The following AGBL1 variants were observed in gnomAD, a reference collection of about 807,000 sequenced individuals.
AGBL1 encodes AGBL carboxypeptidase 1, also known as cytosolic carboxypeptidase 4.
A neutral mutation model predicts 118.9 loss-of-function variants in AGBL1; 130 were observed. The observed-to-expected ratio is 1.09, with a 90% CI of 0.95 to 1.26. AGBL1 has a LOEUF of 1.26. Ranked by LOEUF, AGBL1 falls within the 50% of genes most tolerant of loss-of-function variation. The pLI is 0.00. For missense variants in AGBL1, 1,584 were observed against 1,298.1 expected, an observed-to-expected ratio of 1.22 and a Z score of -3.38; for synonymous variants, 555 against 478.9, an observed-to-expected ratio of 1.16 and a Z score of -2.08.
intron 22 of AGBL1, among the ~76,000 whole-genome samples, chr15:86,695,730 A>G (rs920945573): frequency 6.6e-6 from 1 of 151,972 alleles, no homozygotes; most frequent in African/African-American, 2.4e-5. Flanking sequence ...GTAGGCATTT[A>G]AGATTATGAA....
At chr15:86,143,910 A>T (rs1375922993) in intron 3 of AGBL1, 65 bp downstream of exon 3, 7 of 1,559,200 alleles carry the variant, frequency 4.5e-6, no homozygotes, top group Middle Eastern at 3.5e-4. Context: ...TCATGAGTGC[A>T]ATTTGGGAAG....
chr15:86,967,082 A>T (rs1030175034), intron 23 of AGBL1, among the ~76,000 whole-genome samples: 2 of 152,130 alleles, frequency 1.3e-5, no homozygotes, highest in Admixed American at 1.3e-4. Context: ...GCCAGTGATG[A>T]TGAACATTTT....
intron 21 of AGBL1, among the ~76,000 whole-genome samples, chr15:86,663,061 C>T (rs764377837): frequency 6.6e-6 from 1 of 152,182 alleles, no homozygotes; most frequent in Non-Finnish European, 1.5e-5. Context: ...CTGATTTTCA[C>T]TGGCGTGACT....
At chr15:86,131,594 T>A (rs980272512) in intron 1 of AGBL1, among the ~76,000 whole-genome samples, 42 of 152,266 alleles carry the variant, frequency 2.8e-4, no homozygotes, top group African/African-American at 9.6e-4. Context: ...GGATGAGAAT[T>A]TTGTTTTAAG....
At position 86,742,769 on chromosome 15, in the gene AGBL1, C is replaced by A. The variant is rs544903418; in HGVS notation, c.3158+68333C>A. ...TCCTCTGATAGAATCTGGGTAAATA[C>A]AAGTCTCCTTATGCAGAATAAACAG... On this transcript the variant is annotated intron_variant, in intron 22 of 22. Transcript: ENST00000614907. Among the ~76,000 whole-genome samples, 7 of 152,216 alleles carry A rather than the reference C, an allele frequency of 4.6e-5. No homozygotes were observed. The East Asian group carries it at 9.7e-4, about 21-fold the overall frequency.
intron 3 of AGBL1, among the ~76,000 whole-genome samples, chr15:86,149,819 T>C (rs1025425571): frequency 5.9e-5 from 9 of 152,172 alleles, no homozygotes; most frequent in African/African-American, 2.2e-4. Context: ...ATCAACAGAA[T>C]ATATATTCTT....
intron 17 of AGBL1, among the ~76,000 whole-genome samples, chr15:86,352,182 A>G (rs2080638355): frequency 1.3e-5 from 2 of 152,174 alleles, no homozygotes; most frequent in Non-Finnish European, 2.9e-5. Flanking sequence ...CCTCACAATG[A>G]AGGTTCGGAT....
At chr15:86,091,300 T>C (rs1486575789) in intron 1 of AGBL1, among the ~76,000 whole-genome samples, 1 of 152,212 alleles carries the variant, frequency 6.6e-6, no homozygotes, top group East Asian at 1.9e-4. Flanking sequence ...TGAAATTCTT[T>C]CAAATGCTAA....
At chr15:86,545,040 ACTTT>A (rs2083560878) in intron 19 of AGBL1, among the ~76,000 whole-genome samples, 2 of 152,180 alleles carry the variant, frequency 1.3e-5, no homozygotes, top group African/African-American at 4.8e-5. Flanking sequence ...TGGTTATGTG[ACTTT>A]CTTTGACCAG....
chr15:86,562,824 T>G (rs1321825666), intron 21 of AGBL1, among the ~76,000 whole-genome samples: 1 of 151,904 alleles, frequency 6.6e-6, no homozygotes, highest in African/African-American at 2.4e-5. Context: ...TTTCAGAGCC[T>G]GTTATTGGTC....
At chr15:86,338,539 G>C (rs545830743) in intron 17 of AGBL1, among the ~76,000 whole-genome samples, 1 of 152,018 alleles carries the variant, frequency 6.6e-6, no homozygotes, top group South Asian at 2.1e-4. Flanking sequence ...AGTGACCCCC[G>C]AAGAATCCTT....
At chr15:86,092,077 A>G (rs1191170515) in intron 1 of AGBL1, among the ~76,000 whole-genome samples, 1 of 152,182 alleles carries the variant, frequency 6.6e-6, no homozygotes, top group African/African-American at 2.4e-5. Flanking sequence ...CTATTCAACA[A>G]ACCCTTACTA....
At position 86,565,606 on chromosome 15, in the gene AGBL1, C is replaced by T. The variant is rs529735609; in HGVS notation, c.2994+11069C>T. Among the ~76,000 whole-genome samples the T allele has an allele frequency of 1.5e-4, 23 of 152,330 alleles. No homozygotes were observed. The South Asian group carries it at 2.7e-3, about 18-fold the overall frequency. On this transcript the variant is annotated intron_variant, in intron 21 of 22. Transcript: ENST00000614907. ...GACCCACTTGAGGAGGAAGTCTGTC[C>T]GTTCTCTGATCTCAAACTCCATGCT... is the stretch of plus-strand genomic sequence containing the variant.
rs1379250086 is a variant in AGBL1 at position 86,081,345 on chromosome 15, TTCTCTGATTCTTAAGAA to T, written c.51+1323_51+1339del. ...CGTGAGCCACTGTACCTGGCCATTTTTCTCTGATTCTTAAGAAGATTTGTATTCCTGAAAGTTTAAGA... is the reference window on the plus strand; with the variant it reads ...CGTGAGCCACTGTACCTGGCCATTTTGATTTGTATTCCTGAAAGTTTAAGA... On this transcript the variant is annotated intron_variant, in intron 1 of 22. Coordinates refer to ENST00000614907, the MANE Select transcript of AGBL1 (RefSeq NM_001386094.1). 1.6e-4 allele frequency among the ~76,000 whole-genome samples: 24 copies of T among 152,292 alleles called. No individual in the cohort carries two copies. The East Asian group carries it at 2.5e-3, about 16-fold the overall frequency.
At chr15:86,302,845 A>G (rs949100232) in intron 17 of AGBL1, among the ~76,000 whole-genome samples, 2 of 151,738 alleles carry the variant, frequency 1.3e-5, no homozygotes, top group African/African-American at 4.8e-5. Context: ...TTGTGGAATG[A>G]GTATGGGGAC....
intron 6 of AGBL1, among the ~76,000 whole-genome samples, chr15:86,244,769 T>C (rs984219978): frequency 6.6e-5 from 10 of 152,230 alleles, no homozygotes; most frequent in Non-Finnish European, 1.3e-4. Context: ...AAGCTTATGC[T>C]GCCCACGGGG....
intron 23 of AGBL1, among the ~76,000 whole-genome samples, chr15:86,955,436 A>G (rs1028884451): frequency 2.6e-4 from 39 of 152,068 alleles, no homozygotes; most frequent in African/African-American, 9.4e-4. Flanking sequence ...CCAAGAATTC[A>G]ACTCAAGATG....
intron 17 of AGBL1, among the ~76,000 whole-genome samples, chr15:86,366,521 A>G (rs1299191094): frequency 1.3e-5 from 2 of 152,174 alleles, no homozygotes; most frequent in Non-Finnish European, 1.5e-5. Context: ...CAATGCAGCC[A>G]GGATCAATAC....
intron 1 of AGBL1, among the ~76,000 whole-genome samples, chr15:86,097,837 T>C (rs1896478902): frequency 6.6e-6 from 1 of 152,164 alleles, no homozygotes; most frequent in Non-Finnish European, 1.5e-5. Context: ...AAATACTCAG[T>C]GGTAGAATTG....
Sources: gnomAD v4.1 joint callset for allele counts (sites outside exome capture counted in the v4.1 genomes callset) on GRCh38, gnomAD v4.1.1 for gene constraint, MANE v1.5 for transcripts, NCBI Gene and HGNC (gene_info 2026-07-23, HGNC 2026-07-21) for gene names.